The following SMAD9 variants were observed in gnomAD, a reference collection of about 807,000 sequenced individuals.
The protein encoded by SMAD9 is SMAD family member 9.
In SMAD9, 36 loss-of-function variants were observed where a neutral mutation model predicts 46.1. The observed-to-expected ratio is 0.78, with a 90% CI of 0.60 to 1.03. The LOEUF is 1.03. Ranked by LOEUF, SMAD9 falls within the 50% of genes least tolerant of loss-of-function variation. SMAD9 has a pLI of 0.00. For synonymous variants in SMAD9, 245 were observed against 237.1 expected (o/e 1.03, Z -0.31); for missense variants, 572 against 599.8 (o/e 0.95, Z 0.48).
At chr13:36,882,227 CTGTGTGTGTGTGTGTGTG>C (rs61006734) in intron 1 of SMAD9, among the ~76,000 whole-genome samples, 16 of 149,324 alleles carry the variant, frequency 1.1e-4, no homozygotes, top group African/African-American at 4.0e-4. Flanking sequence ...CAGGTATGTG[CTGTGTGTGTGTGTGTGTG>C]TGTGTGTGTG....
chr13:36,872,527 CT>C, intron 3 of SMAD9, 130 bp downstream of exon 3: 1 of 1,077,438 alleles, frequency 9.3e-7, no homozygotes. Context: ...CATTTTAAGG[CT>C]GATTGCTTTG....
intron 4 of SMAD9, 145 bp downstream of exon 4, chr13:36,867,128 C>A (rs2058242432): frequency 1.6e-6 from 1 of 624,290 alleles, no homozygotes; most frequent in Admixed American, 2.4e-5. Context: ...AGTTAAAATG[C>A]AAAGCCATCC....
intron 1 of SMAD9, among the ~76,000 whole-genome samples, chr13:36,917,167 A>T (rs2058704670): frequency 6.6e-6 from 1 of 152,148 alleles, no homozygotes; most frequent in Non-Finnish European, 1.5e-5. Flanking sequence ...CATGGGTATA[A>T]TGACTCCTAA....
rs373871364 is a variant in SMAD9, at chr13:36,897,588, T to C, written c.-186-17713A>G. ...AAATGTGGGATATCTTCAGAAGAAATTAGAAAGTTAACATCTTCCTAAATA... is the reference window on the plus strand; with the variant it reads ...AAATGTGGGATATCTTCAGAAGAAACTAGAAAGTTAACATCTTCCTAAATA... On this transcript the variant is annotated intron_variant, in intron 1 of 6. Coordinates refer to ENST00000379826, the MANE Select transcript of SMAD9 (RefSeq NM_001127217.3). Among the ~76,000 whole-genome samples the C allele has an allele frequency of 1.9e-4, 29 of 150,108 alleles. 1 individual carries two copies. The South Asian group carries it at 5.8e-3, about 30-fold the overall frequency.
At position 36,896,199 on chromosome 13, in the gene SMAD9, C is replaced by T. The variant is rs1298869612; in HGVS notation, c.-186-16324G>A. 5.3e-5 allele frequency among the ~76,000 whole-genome samples: 8 copies of T among 152,222 alleles called. No homozygotes were observed. In the East Asian group the frequency reaches 1.5e-3, roughly 29 times the overall value. On this transcript the variant is annotated intron_variant, in intron 1 of 6. Transcript: ENST00000379826. ...CCAGGCTGAAGTGCAGTGGCACGAT[C>T]TCGGCTCACTGCAACCTCTGCCTCC...
rs2058557461 is a variant in SMAD9 at position 36,899,636 on chromosome 13, T to C, written c.-186-19761A>G. 2.0e-5 allele frequency among the ~76,000 whole-genome samples: 3 copies of C among 151,892 alleles called. No homozygotes were observed. The South Asian group carries it at 6.3e-4, about 32-fold the overall frequency. On this transcript the variant is annotated intron_variant, in intron 1 of 6. Transcript: ENST00000379826. ...CTGAGGTAGTGAGCTGGATAGAGAG[T>C]TGGGGGAAGCACAATATCAAAATGG...
At chr13:36,887,045 T>TTG (rs1470596271) in intron 1 of SMAD9, among the ~76,000 whole-genome samples, 1 of 124,606 alleles carries the variant, frequency 8.0e-6, no homozygotes, top group Non-Finnish European at 1.6e-5. Flanking sequence ...AATGGGTTTT[T>TTG]TTTTTTTTTT....
intron 1 of SMAD9, among the ~76,000 whole-genome samples, chr13:36,918,228 G>A (rs2058713549): frequency 6.6e-6 from 1 of 152,150 alleles, no homozygotes; most frequent in South Asian, 2.1e-4. Flanking sequence ...ACAATGATGT[G>A]GCAATTCTAA....
chr13:36,849,906 C>T (rs865953617), intron 6 of SMAD9: 5 of 152,126 alleles, frequency 3.3e-5, no homozygotes, highest in African/African-American at 9.7e-5. Flanking sequence ...ATATCATTCC[C>T]GTCAACATAT....
At chr13:36,903,718 A>C (rs2058596723) in intron 1 of SMAD9, among the ~76,000 whole-genome samples, 1 of 152,222 alleles carries the variant, frequency 6.6e-6, no homozygotes, top group South Asian at 2.1e-4. Context: ...GTCATACTAT[A>C]TATAATGCAA....
At chr13:36,852,522 A>G (rs1323263429) in intron 6 of SMAD9, 4 of 984,604 alleles carry the variant, frequency 4.1e-6, no homozygotes, top group Admixed American at 6.1e-5. Context: ...AGCAACCTTA[A>G]TAAGATTCGA....
At chr13:36,911,647 CTGAT>C (rs1327468875) in intron 1 of SMAD9, among the ~76,000 whole-genome samples, 1 of 140,334 alleles carries the variant, frequency 7.1e-6, no homozygotes, top group African/African-American at 2.5e-5. Flanking sequence ...AGTTCATAAA[CTGAT>C]AAAGAATCAC....
chr13:36,878,654 T>A (rs2058370331), intron 2 of SMAD9, among the ~76,000 whole-genome samples: 1 of 152,212 alleles, frequency 6.6e-6, no homozygotes, highest in Non-Finnish European at 1.5e-5. Context: ...ATGAGATATC[T>A]TCTACTTACC....
At chr13:36,869,086 T>C (rs1052375492) in intron 3 of SMAD9, among the ~76,000 whole-genome samples, 2 of 152,032 alleles carry the variant, frequency 1.3e-5, no homozygotes, top group Admixed American at 6.6e-5. Flanking sequence ...AGAAAGTAGA[T>C]AGAGCTTACC....
At chr13:36,864,904 T>A (rs1231500210) in intron 5 of SMAD9, among the ~76,000 whole-genome samples, 3 of 152,138 alleles carry the variant, frequency 2.0e-5, no homozygotes, top group African/African-American at 7.2e-5. Context: ...ACTATTCCAA[T>A]AGAAAAGAAA....
At position 36,889,519 on chromosome 13, in the gene SMAD9, T is replaced by C. The variant is rs188782471; in HGVS notation, c.-186-9644A>G. Among the ~76,000 whole-genome samples, 8 of 152,340 alleles carry C rather than the reference T, an allele frequency of 5.3e-5. No homozygotes were observed. In the East Asian group the frequency reaches 1.5e-3, roughly 29 times the overall value. Reference sequence around the variant, plus strand: ...TTAACTCATAGAACAAAGCAGCCCATGTTACTTAAAGGCAATTCTTAATAT... The same window carrying C: ...TTAACTCATAGAACAAAGCAGCCCACGTTACTTAAAGGCAATTCTTAATAT... On this transcript the variant is annotated intron_variant, in intron 1 of 6. Coordinates refer to ENST00000379826, the MANE Select transcript of SMAD9 (RefSeq NM_001127217.3).
At chr13:36,902,449 CT>C (rs1476549629) in intron 1 of SMAD9, among the ~76,000 whole-genome samples, 1 of 151,590 alleles carries the variant, frequency 6.6e-6, no homozygotes, top group African/African-American at 2.4e-5. Context: ...AGTCCTTCAA[CT>C]TTGTTCTTCT....
chr13:36,880,634 G>T (rs1223546351), intron 1 of SMAD9, among the ~76,000 whole-genome samples: 1 of 152,190 alleles, frequency 6.6e-6, no homozygotes, highest in Non-Finnish European at 1.5e-5. Context: ...GGACTATGAG[G>T]TTCTCTCTTT....
chr13:36,865,738 C>T lies in SMAD9; in HGVS notation c.802G>A (p.Glu268Lys), dbSNP rs769776934. 174 of 1,613,868 alleles carry T rather than the reference C, an allele frequency of 1.1e-4. No homozygotes were observed. The highest frequency in any genetic ancestry group is 1.4e-4 in the Non-Finnish European group (167 of 1,179,944). ...PNGDFRPVCY[E>K]EPQHWCSVAY... The stretch of plus-strand genomic sequence containing the variant: ...ACCGAGCACCAGTGCTGGGGCTCCT[C>T]GTAACAAACTGGTCGAAAGTCTGGA... Residue 268 changes from glutamate (E) to lysine (K), a missense_variant, in exon 5 of 7, where the codon GAG becomes AAG. Coordinates refer to ENST00000379826, the MANE Select transcript of SMAD9 (RefSeq NM_001127217.3).
Sources: gnomAD v4.1 joint callset for allele counts (sites outside exome capture counted in the v4.1 genomes callset) on GRCh38, gnomAD v4.1.1 for gene constraint, MANE v1.5 for transcripts, NCBI Gene and HGNC (gene_info 2026-07-23, HGNC 2026-07-21) for gene names.